Variants in GBF1 observed in about 807,000 individuals in gnomAD.
The protein encoded by GBF1 is Golgi-specific brefeldin A-resistance guanine nucleotide exchange factor 1.
In GBF1, 114 loss-of-function variants were observed where a neutral mutation model predicts 210.5. The ratio of observed to expected loss-of-function variants is 0.54; its 90% CI spans 0.47 to 0.63. The LOEUF (loss-of-function observed/expected upper bound fraction) is 0.63. Ranked by LOEUF, GBF1 falls within the 30% of genes least tolerant of loss-of-function variation. GBF1 has a pLI of 0.00. For missense variants in GBF1, 1,851 were observed against 2,357.7 expected (o/e 0.79, Z 4.45); for synonymous variants, 850 against 889.2 (o/e 0.96, Z 0.78).
intron 3 of GBF1, among the ~76,000 whole-genome samples, chr10:102,265,389 C>CA (rs1267100739): frequency 6.6e-5 from 10 of 152,090 alleles, no homozygotes; most frequent in Non-Finnish European, 1.0e-4. Context: ...CTAAAAGTAT[C>CA]ACAACCAGGC....
chr10:102,261,400 C>T (rs753187162), intron 3 of GBF1, among the ~76,000 whole-genome samples: 1 of 152,016 alleles, frequency 6.6e-6, no homozygotes, highest in Non-Finnish European at 1.5e-5. Context: ...ACAAAGGGCT[C>T]CTGCAGTGTA....
Position 102,382,460 on chromosome 10 carries a change from T to C in GBF1, c.*124T>C. On this transcript the variant is annotated 3_prime_UTR_variant, in exon 40 of 40. Coordinates refer to ENST00000369983, the MANE Select transcript of GBF1 (RefSeq NM_001377137.1). The stretch of plus-strand genomic sequence containing the variant: ...AGAGCTGCTGTTGCTGCCACTTGGA[T>C]GGGGACCTGAAAAAGAGAATGTTGA... The C allele has an allele frequency of 1.2e-6, 1 of 800,366 alleles. No individual in the cohort carries two copies. The highest frequency in any genetic ancestry group is 2.4e-4 in the Middle Eastern group (1 of 4,154). 49.6% of individuals were successfully genotyped at this position (800,366 alleles called of 1,614,324 possible). A position where few individuals can be genotyped will look rare whatever the true frequency, so the allele number is the denominator to read the frequency against.
At chr10:102,254,834 A>G (rs982962500) in intron 1 of GBF1, among the ~76,000 whole-genome samples, 2 of 152,032 alleles carry the variant, frequency 1.3e-5, no homozygotes, top group Non-Finnish European at 2.9e-5. Context: ...CTATACTTTT[A>G]TGAGGTTTCT....
At chr10:102,339,311 C>T (rs1179929125) in intron 3 of GBF1, among the ~76,000 whole-genome samples, 1 of 151,478 alleles carries the variant, frequency 6.6e-6, no homozygotes, top group African/African-American at 2.4e-5. Flanking sequence ...TGCAGTGAGC[C>T]GAGATCATGC....
intron 3 of GBF1, among the ~76,000 whole-genome samples, chr10:102,290,525 C>T (rs2076346122): frequency 1.3e-5 from 2 of 151,880 alleles, no homozygotes; most frequent in Non-Finnish European, 2.9e-5. Flanking sequence ...AATTTTCAGA[C>T]AGGGTCTCTG....
chr10:102,234,474 C>T, the GBF1 span, among the ~76,000 whole-genome samples: 5 of 152,236 alleles, frequency 3.3e-5, no homozygotes, highest in East Asian at 1.9e-4. Context: ...CCTTCCAGGT[C>T]GGGTCAGGTC....
intron 3 of GBF1, among the ~76,000 whole-genome samples, chr10:102,321,975 C>A (rs533257695): frequency 9.8e-5 from 15 of 152,302 alleles, no homozygotes; most frequent in African/African-American, 2.9e-4. Context: ...CCTCCCAGCT[C>A]AGCCTCCAGA....
chr10:102,313,880 CAA>C (rs1248874115), intron 3 of GBF1, among the ~76,000 whole-genome samples: 1 of 152,098 alleles, frequency 6.6e-6, no homozygotes, highest in Non-Finnish European at 1.5e-5. Flanking sequence ...TAGGGAGAAA[CAA>C]GGGCCAAAAG....
At chr10:102,237,043 G>A in the GBF1 span, among the ~76,000 whole-genome samples, 9 of 152,162 alleles carry the variant, frequency 5.9e-5, no homozygotes, top group African/African-American at 1.9e-4. Flanking sequence ...GGGACGATTC[G>A]GGGATCAGAG....
At chr10:102,321,331 A>G (rs1327067552) in intron 3 of GBF1, among the ~76,000 whole-genome samples, 1 of 152,056 alleles carries the variant, frequency 6.6e-6, no homozygotes, top group African/African-American at 2.4e-5. Context: ...GCACTCATAA[A>G]TATTTAATAA....
chr10:102,339,334 GC>G (rs1214864651), intron 3 of GBF1, among the ~76,000 whole-genome samples: 1 of 152,008 alleles, frequency 6.6e-6, no homozygotes, highest in East Asian at 1.9e-4. Flanking sequence ...CTGCACTCCA[GC>G]CTGGGTGACA....
intron 3 of GBF1, among the ~76,000 whole-genome samples, chr10:102,261,896 AC>A (rs2073282545): frequency 6.6e-6 from 1 of 151,976 alleles, no homozygotes; most frequent in African/African-American, 2.4e-5. Context: ...TGCTAGGATT[AC>A]AGACGTGAGC....
At chr10:102,256,013 G>A (rs1234913502) in intron 1 of GBF1, among the ~76,000 whole-genome samples, 3 of 151,986 alleles carry the variant, frequency 2.0e-5, no homozygotes, top group African/African-American at 7.2e-5. Flanking sequence ...TGGCACGAAC[G>A]CGGTTCACCG....
rs544941542 is a variant in GBF1, at chr10:102,271,604, C to T, written c.163+11488C>T. The stretch of plus-strand genomic sequence containing the variant: ...TCTACATTCTGGATTTGTCTGTGTC[C>T]TTGTGGTATCATTTAACTTGTTCCT... On this transcript the variant is annotated intron_variant, in intron 3 of 39. Transcript: ENST00000369983. 2.1e-3 allele frequency among the ~76,000 whole-genome samples: 313 copies of T among 151,184 alleles called. 12 individuals carry two copies. In the South Asian group the frequency reaches 0.062, roughly 30 times the overall value.
chr10:102,346,945 C>A (rs2058617251), intron 4 of GBF1, among the ~76,000 whole-genome samples: 1 of 152,162 alleles, frequency 6.6e-6, no homozygotes. Context: ...CATTGCCTTT[C>A]ATAGCATTAC....
Position 102,376,376 on chromosome 10 carries a change from G to A in GBF1, c.3991G>A (p.Gly1331Ser). 1.2e-6 allele frequency: 2 copies of A among 1,614,120 alleles called. No homozygotes were observed. The highest frequency in any genetic ancestry group is 8.5e-7 in the Non-Finnish European group (1 of 1,180,020). ...SEVYTDHGRP[G>S]KIHRSATDAD... Reference sequence around the variant, plus strand: ...GGTCTACACTGACCATGGCAGGCCGGGCAAGATACACCGATCAGCCACAGA... The same window carrying A: ...GGTCTACACTGACCATGGCAGGCCGAGCAAGATACACCGATCAGCCACAGA... The change falls in exon 31 of 40, where the codon GGC becomes AGC. Residue 1331 changes from glycine to serine, a missense_variant. By Grantham distance (56) the Gly-to-Ser change is moderately conservative. Around this residue, in one of 3 missense-constraint regions of GBF1, gnomAD observed 967 missense variants for 1,247.7 expected, o/e 0.78. Coordinates refer to ENST00000369983, the MANE Select transcript of GBF1 (RefSeq NM_001377137.1).
intron 3 of GBF1, among the ~76,000 whole-genome samples, chr10:102,311,622 C>T (rs1054589798): frequency 6.6e-6 from 1 of 152,160 alleles, no homozygotes; most frequent in African/African-American, 2.4e-5. Context: ...GTCATTTGAC[C>T]CTGTCAGTCC....
chr10:102,249,453 AC>A (rs991272319), intron 1 of GBF1, among the ~76,000 whole-genome samples: 8 of 152,178 alleles, frequency 5.3e-5, no homozygotes, highest in Admixed American at 2.0e-4. Flanking sequence ...GAGCTGAGGT[AC>A]CCTGGTCACC....
Position 102,363,148 on chromosome 10 carries a change from C to A in GBF1, c.1877-108C>A. On this transcript the variant is annotated intron_variant, in intron 15 of 39. Coordinates refer to ENST00000369983, the MANE Select transcript of GBF1 (RefSeq NM_001377137.1). This position sits in a 1 kb window ranked among gnomAD's most constrained non-coding sequence, Gnocchi z 4.2. The stretch of plus-strand genomic sequence containing the variant: ...GTTTGTCCTGCTCAGGGCTGGCGCC[C>A]TGTGCAGGAACCATGCAGGTCTTCT... 9.8e-7 allele frequency: 1 copy of A among 1,017,070 alleles called. No homozygotes were observed. Among genetic ancestry groups the A allele is most frequent in the Non-Finnish European group, 1.4e-6 (1 of 709,000 alleles). 63.0% of individuals were successfully genotyped at this position (1,017,070 alleles called of 1,614,324 possible).
Sources: allele counts gnomAD v4.1 joint callset (sites outside exome capture counted in the v4.1 genomes callset), GRCh38; gene constraint gnomAD v4.1.1; regional missense constraint gnomAD v4.1.1; non-coding constraint Gnocchi (gnomAD v3.1); transcripts MANE v1.5; gene names NCBI Gene and HGNC (gene_info 2026-07-23, HGNC 2026-07-21).